C16orf74: variants seen among roughly 807,000 people sequenced by gnomAD.
The protein encoded by C16orf74 is calcimembrin, also known as uncharacterized protein C16orf74.
A neutral mutation model predicts 6.5 loss-of-function variants in C16orf74; 10 were observed. The ratio of observed to expected loss-of-function variants is 1.54; its 90% CI spans 0.95 to 2.61. The LOEUF (loss-of-function observed/expected upper bound fraction) is 2.61, where lower values mean the gene tolerates loss of function less well. C16orf74 is among the 30% of genes most tolerant of loss of function. The pLI, the probability that C16orf74 is intolerant of heterozygous loss-of-function variation, is 0.00. For synonymous variants in C16orf74, 60 were observed against 42.5 expected, an observed-to-expected ratio of 1.41 and a Z score of -1.60; for missense variants, 141 against 105.9, an observed-to-expected ratio of 1.33 and a Z score of -1.45.
chr16:85,724,102 A>C (rs921632230), intron 2 of C16orf74, among the ~76,000 whole-genome samples: 3 of 151,884 alleles, frequency 2.0e-5, no homozygotes, highest in Non-Finnish European at 4.4e-5. Flanking sequence ...ATGGGGTCTC[A>C]CTAATATTGC....
intron 1 of C16orf74, among the ~76,000 whole-genome samples, chr16:85,740,192 C>T (rs1304164348): frequency 2.0e-5 from 2 of 100,700 alleles, no homozygotes; most frequent in Non-Finnish European, 1.9e-5. Context: ...GGCTGGGCGA[C>T]AAGAACGAGA....
rs1372920030 is a variant in C16orf74 at position 85,750,940 on chromosome 16, T to TAG, written c.-34_-33insCT. On this transcript the variant is annotated 5_prime_UTR_variant, in exon 1 of 4. Transcript: ENST00000284245. ...GGGGCACTCACCGCTTCCTTCTTGG[T>TAG]GGGCTCACTGCGGAGCCGCGCCCGA... 1 of 150,356 alleles carries TAG rather than the reference T, an allele frequency of 6.7e-6. No individual in the cohort carries two copies. Among genetic ancestry groups the TAG allele is most frequent in the African/African-American group, 2.4e-5 (1 of 40,958 alleles). 9.3% of individuals were successfully genotyped at this position (150,356 alleles called of 1,614,324 possible).
chr16:85,746,553 C>G (rs563045522), intron 1 of C16orf74, among the ~76,000 whole-genome samples: 5 of 152,162 alleles, frequency 3.3e-5, no homozygotes, highest in African/African-American at 4.8e-5. Flanking sequence ...AGAGTAACCC[C>G]ATGGAGGTCC....
intron 2 of C16orf74, among the ~76,000 whole-genome samples, chr16:85,730,578 A>G (rs2054177558): frequency 8.9e-6 from 1 of 111,864 alleles, no homozygotes. Context: ...GAACCCCCAG[A>G]CCACACAACT....
intron 2 of C16orf74, among the ~76,000 whole-genome samples, chr16:85,713,158 C>G (rs2053986756): frequency 6.6e-6 from 1 of 152,178 alleles, no homozygotes; most frequent in South Asian, 2.1e-4. Flanking sequence ...AGCCCCTCCC[C>G]TGGCTTCTGG....
Position 85,710,172 on chromosome 16 carries a change from C to T in C16orf74, c.164G>A (p.Gly55Glu), listed in dbSNP as rs374582245. The T allele has an allele frequency of 5.5e-6, 8 of 1,456,714 alleles. No individual in the cohort carries two copies. The highest frequency in any genetic ancestry group is 2.9e-5 in the East Asian group (1 of 34,978). 90.2% of individuals were successfully genotyped at this position (1,456,714 alleles called of 1,614,324 possible). A position where few individuals can be genotyped will look rare whatever the true frequency, so the allele number is the denominator to read the frequency against. Residue 55 changes from glycine to glutamate, a missense_variant, in exon 3 of 4, where the codon GGG becomes GAG. Coordinates refer to ENST00000284245, the MANE Select transcript of C16orf74 (RefSeq NM_206967.3). Reference sequence around the variant, plus strand: ...GGAGGGGACGGCCTCACCTGTGCTCCCCAAGTCCCTCGGCAGCATCATGCC... The same window carrying T: ...GGAGGGGACGGCCTCACCTGTGCTCTCCAAGTCCCTCGGCAGCATCATGCC... ...PTGMMLPRDL[G>E]STVWLDETGS... is the part of the protein sequence containing the mutation.
intron 1 of C16orf74, among the ~76,000 whole-genome samples, chr16:85,738,622 C>T (rs765675153): frequency 3.3e-5 from 5 of 151,918 alleles, no homozygotes; most frequent in East Asian, 1.9e-4. Context: ...TGAGCCACCG[C>T]GCCGGGCCCG....
chr16:85,733,210 T>C (rs2054209031), intron 2 of C16orf74, among the ~76,000 whole-genome samples: 1 of 152,236 alleles, frequency 6.6e-6, no homozygotes, highest in African/African-American at 2.4e-5. Flanking sequence ...TGGTGGAATA[T>C]TATTCAGCCG....
chr16:85,735,906 A>G (rs1425516995), intron 1 of C16orf74, among the ~76,000 whole-genome samples: 1 of 152,158 alleles, frequency 6.6e-6, no homozygotes, highest in African/African-American at 2.4e-5. Flanking sequence ...CCTCAGTAAC[A>G]GCCCCGCAAG....
intron 2 of C16orf74, among the ~76,000 whole-genome samples, chr16:85,731,481 G>C (rs1001810732): frequency 2.0e-5 from 3 of 152,156 alleles, no homozygotes; most frequent in African/African-American, 7.2e-5. Flanking sequence ...GAGTCCCTGG[G>C]CCAGGCTGCG....
At chr16:85,741,907 T>G (rs2054312869) in intron 1 of C16orf74, among the ~76,000 whole-genome samples, 1 of 152,194 alleles carries the variant, frequency 6.6e-6, no homozygotes, top group South Asian at 2.1e-4. Context: ...TTGCTATAGT[T>G]TGGATATTTG....
chr16:85,722,919 C>T lies in C16orf74; in HGVS notation c.28+12271G>A, dbSNP rs566368673. ...AAACAGCCCCTGGTGTTATCCCGCC[C>T]AGCTCATCCTGGAAGACACGGAGGC... On this transcript the variant is annotated intron_variant, in intron 2 of 3. Transcript: ENST00000284245. Among the ~76,000 whole-genome samples, 5 of 152,314 alleles carry T rather than the reference C, an allele frequency of 3.3e-5. No individual in the cohort carries two copies. In the South Asian group the frequency reaches 1.0e-3, roughly 32 times the overall value.
intron 1 of C16orf74, among the ~76,000 whole-genome samples, chr16:85,743,848 T>C (rs550534534): frequency 1.3e-5 from 2 of 151,880 alleles, no homozygotes; most frequent in African/African-American, 2.4e-5. Context: ...GATCAGGAGA[T>C]CGAGACAATC....
chr16:85,734,245 C>T (rs1041505237), intron 2 of C16orf74, among the ~76,000 whole-genome samples: 4 of 152,312 alleles, frequency 2.6e-5, no homozygotes, highest in Non-Finnish European at 4.4e-5. Flanking sequence ...TGTTCCAGGC[C>T]CTGCTCTCGT....
intron 3 of C16orf74, among the ~76,000 whole-genome samples, chr16:85,708,950 C>T (rs754653947): frequency 6.6e-5 from 10 of 152,254 alleles, no homozygotes; most frequent in Non-Finnish European, 1.0e-4. Context: ...GGAGGACATC[C>T]GGCCTGGGGG....
intron 2 of C16orf74, among the ~76,000 whole-genome samples, chr16:85,724,592 G>A (rs940533990): frequency 2.0e-5 from 3 of 151,804 alleles, no homozygotes; most frequent in Non-Finnish European, 2.9e-5. Context: ...TGCCTGGTGA[G>A]GTGTGAGCTT....
At chr16:85,717,866 C>G (rs1247178393) in intron 2 of C16orf74, among the ~76,000 whole-genome samples, 1 of 152,170 alleles carries the variant, frequency 6.6e-6, no homozygotes, top group African/African-American at 2.4e-5. Flanking sequence ...GATCCGCAGC[C>G]CTGATCCTTC....
At chr16:85,712,568 A>G (rs1031446928) in intron 2 of C16orf74, among the ~76,000 whole-genome samples, 1 of 152,110 alleles carries the variant, frequency 6.6e-6, no homozygotes, top group Non-Finnish European at 1.5e-5. Flanking sequence ...GAATCCACAA[A>G]AGCATGTACA....
intron 2 of C16orf74, among the ~76,000 whole-genome samples, chr16:85,729,819 A>C (rs982232413): frequency 1.4e-4 from 21 of 152,274 alleles, no homozygotes; most frequent in Admixed American, 1.2e-3. Flanking sequence ...CAGAAGCTGG[A>C]AGAGGCAGGA....
Sources: allele counts gnomAD v4.1 joint callset (sites outside exome capture counted in the v4.1 genomes callset), GRCh38; gene constraint gnomAD v4.1.1; transcripts MANE v1.5; gene names NCBI Gene and HGNC (gene_info 2026-07-23, HGNC 2026-07-21).